The following BRI3 variants were observed in gnomAD, a reference collection of about 807,000 sequenced individuals.
BRI3 encodes brain protein I3, also known as membrane protein BRI3.
A neutral mutation model predicts 12.8 loss-of-function variants in BRI3; 6 were observed. The ratio of observed to expected loss-of-function variants is 0.47; its 90% confidence interval spans 0.26 to 0.93. The LOEUF is 0.93. Among genes scored for constraint, BRI3 ranks in the 40% least tolerant of loss-of-function variants. The pLI, the probability that BRI3 is intolerant of heterozygous loss-of-function variation, is 0.15. For missense variants in BRI3, 134 were observed against 171.1 expected, an observed-to-expected ratio of 0.78 and a Z score of 1.21; for synonymous variants, 91 against 76.1, an observed-to-expected ratio of 1.20 and a Z score of -1.02.
intron 2 of BRI3, among the ~76,000 whole-genome samples, chr7:98,287,052 C>A (rs1304718419): frequency 1.3e-5 from 2 of 152,208 alleles, no homozygotes; most frequent in African/African-American, 4.8e-5. Flanking sequence ...GAAGCCCGTT[C>A]AGAGCTCTCA....
chr7:98,297,143 GCCA>G (rs1292079751), downstream of BRI3, among the ~76,000 whole-genome samples: 1 of 152,232 alleles, frequency 6.6e-6, no homozygotes, highest in Non-Finnish European at 1.5e-5. Flanking sequence ...ATAGAGCGAG[GCCA>G]CCAAGCGGCT....
At chr7:98,305,837 T>A (rs1028800084), upstream of BRI3, among the ~76,000 whole-genome samples, 1 of 152,170 alleles carries the variant, frequency 6.6e-6, no homozygotes, top group Non-Finnish European at 1.5e-5. Context: ...ACTGTTAGTA[T>A]CTGATCTGGA....
At chr7:98,306,866 C>A in intron 1 of BRI3, 1 of 250,332 alleles carries the variant, frequency 4.0e-6, no homozygotes, top group Non-Finnish European at 7.8e-6. Flanking sequence ...ACCACCATGC[C>A]TAGCTAAAAA....
At chr7:98,313,489 G>A (rs1800954949), downstream of BRI3, among the ~76,000 whole-genome samples, 1 of 152,010 alleles carries the variant, frequency 6.6e-6, no homozygotes, top group African/African-American at 2.4e-5. Context: ...TGCGACCCTG[G>A]TGCCACAGGA....
At chr7:98,306,489 C>T (rs747577265), upstream of BRI3, 29 of 1,613,968 alleles carry the variant, frequency 1.8e-5, no homozygotes, top group African/African-American at 4.0e-5. Context: ...CCAGCAACTT[C>T]GTGTACGACG....
chr7:98,285,309 G>A (rs1182441812), intron 2 of BRI3, among the ~76,000 whole-genome samples: 3 of 152,154 alleles, frequency 2.0e-5, no homozygotes, highest in Non-Finnish European at 4.4e-5. Flanking sequence ...TGTGGAGCCC[G>A]GGAGGGGCTG....
chr7:98,309,998 C>CA (rs1160535079), exon 2 of BRI3: 1 of 152,224 alleles, frequency 6.6e-6, no homozygotes, highest in African/African-American at 2.8e-5. Context: ...TACAGGCAGG[C>CA]ACCACCACGC....
chr7:98,298,403 G>A (rs1800277944), intron 1 of BRI3, among the ~76,000 whole-genome samples: 1 of 152,216 alleles, frequency 6.6e-6, no homozygotes, highest in South Asian at 2.1e-4. Flanking sequence ...ACAAGGTCAG[G>A]AGATCGAGAT....
chr7:98,285,482 C>T (rs1263002396), intron 2 of BRI3, among the ~76,000 whole-genome samples: 2 of 152,170 alleles, frequency 1.3e-5, no homozygotes, highest in Non-Finnish European at 2.9e-5. Context: ...TGGGCTGTCC[C>T]CGTCCTGACA....
downstream of BRI3, among the ~76,000 whole-genome samples, chr7:98,314,979 A>G (rs1446551825): frequency 3.9e-5 from 6 of 152,216 alleles, no homozygotes; most frequent in Non-Finnish European, 7.3e-5. Flanking sequence ...TGGACGTTTG[A>G]CCATTTCAGC....
upstream of BRI3, chr7:98,306,343 G>A: frequency 6.9e-7 from 1 of 1,439,922 alleles, no homozygotes; most frequent in Non-Finnish European, 9.8e-7. Flanking sequence ...TGAGGCTTAG[G>A]GCAGGGCCTG....
chr7:98,298,327 T>C (rs888585215), intron 1 of BRI3, among the ~76,000 whole-genome samples: 16 of 151,944 alleles, frequency 1.1e-4, no homozygotes, highest in African/African-American at 3.6e-4. Context: ...TAAAAAACAT[T>C]AGGGGCTGGG....
At chr7:98,312,494 T>C (rs1800909030), downstream of BRI3, among the ~76,000 whole-genome samples, 2 of 152,056 alleles carry the variant, frequency 1.3e-5, no homozygotes, top group African/African-American at 4.8e-5. Flanking sequence ...TCCCTCAGTG[T>C]GAATACAGAG....
At chr7:98,288,104 C>G (rs1406583008) in intron 2 of BRI3, among the ~76,000 whole-genome samples, 1 of 152,194 alleles carries the variant, frequency 6.6e-6, no homozygotes, top group African/African-American at 2.4e-5. Flanking sequence ...TCCCTGTCTG[C>G]TTTTTCATGG....
chr7:98,290,528 T>C (rs1352358102), intron 2 of BRI3, among the ~76,000 whole-genome samples: 1 of 149,870 alleles, frequency 6.7e-6, no homozygotes, highest in Non-Finnish European at 1.5e-5. Flanking sequence ...AGATGGAGTC[T>C]CGCTCTGTCG....
intron 2 of BRI3, among the ~76,000 whole-genome samples, chr7:98,284,901 T>C (rs1404753661): frequency 6.6e-6 from 1 of 152,166 alleles, no homozygotes; most frequent in Non-Finnish European, 1.5e-5. Flanking sequence ...TGGGCCTCCC[T>C]GAAGCCAGGT....
intron 2 of BRI3, 24 bp downstream of exon 2, chr7:98,282,477 A>C: frequency 1.3e-6 from 2 of 1,598,956 alleles, no homozygotes; most frequent in Non-Finnish European, 1.7e-6. Context: ...CAGCCTGGGG[A>C]CTGGCCCTGG....
downstream of BRI3, among the ~76,000 whole-genome samples, chr7:98,295,428 G>A (rs377578245): frequency 2.0e-5 from 3 of 152,190 alleles, no homozygotes; most frequent in South Asian, 2.1e-4. Flanking sequence ...GACTTCCTGC[G>A]GGGCACTCAA....
chr7:98,319,437 T>A, the BRI3 span, among the ~76,000 whole-genome samples: 4 of 152,316 alleles, frequency 2.6e-5, no homozygotes, highest in African/African-American at 7.2e-5. Flanking sequence ...AAGTGTTATG[T>A]CTGCATCAGC....
Sources: gnomAD v4.1 joint callset for allele counts (sites outside exome capture counted in the v4.1 genomes callset) on GRCh38, gnomAD v4.1.1 for gene constraint, MANE v1.5 for transcripts, NCBI Gene and HGNC (gene_info 2026-07-23, HGNC 2026-07-21) for gene names.